Variants in ADAMTSL3 observed in about 807,000 individuals in gnomAD.
ADAMTSL3 encodes the protein ADAMTS like 3, also known as ADAMTS-like protein 3.
ADAMTSL3 carries 128 observed loss-of-function variants against 201.7 expected under a neutral mutation model. That is an observed-to-expected ratio of 0.63 (90% confidence interval 0.55 to 0.73). The LOEUF (loss-of-function observed/expected upper bound fraction) is 0.73. Ranked by LOEUF, ADAMTSL3 falls within the 30% of genes least tolerant of loss-of-function variation. ADAMTSL3 has a pLI of 0.00. For missense variants in ADAMTSL3, 1,990 were observed against 2,119.6 expected (o/e 0.94, Z 1.20); for synonymous variants, 738 against 748.4 (o/e 0.99, Z 0.23).
chr15:83,829,231 A>G (rs2064096628), intron 6 of ADAMTSL3, among the ~76,000 whole-genome samples: 1 of 152,278 alleles, frequency 6.6e-6, no homozygotes, highest in African/African-American at 2.4e-5. Context: ...TCAGAGATTC[A>G]ACTTCTTCCT....
At chr15:83,975,386 T>C (rs1170424938) in intron 20 of ADAMTSL3, among the ~76,000 whole-genome samples, 1 of 152,112 alleles carries the variant, frequency 6.6e-6, no homozygotes, top group African/African-American at 2.4e-5. Context: ...TAACTCCTCC[T>C]CTAGCTTTGC....
chr15:83,751,576 C>A (rs1269844976), intron 3 of ADAMTSL3, among the ~76,000 whole-genome samples: 1 of 152,008 alleles, frequency 6.6e-6, no homozygotes, highest in Admixed American at 6.6e-5. Context: ...GTGTTTGTGT[C>A]CTTTCCAAGA....
Position 83,899,728 on chromosome 15 carries a change from C to G in ADAMTSL3, c.1697C>G (p.Pro566Arg), listed in dbSNP as rs2065686916. 1 of 1,610,310 alleles carries G rather than the reference C, an allele frequency of 6.2e-7. No homozygotes were observed. Among genetic ancestry groups the G allele is most frequent in the African/African-American group, 1.3e-5 (1 of 74,622 alleles). The stretch of plus-strand genomic sequence containing the variant: ...GAGACCAGAATAGCAACAGAAGAAC[C>G]AACGTGAGTCCAGGACCTTTTGTAG... ...LEETRIATEEPTFIPEPWSAC... is the reference protein window; with the variant it reads ...LEETRIATEERTFIPEPWSAC... Residue 566 changes from proline to arginine, a missense_variant, in exon 15 of 30, where the codon CCA (proline) becomes CGA (arginine). By Grantham distance (103) the Pro-to-Arg change is moderately radical. Transcript: ENST00000286744.
intron 2 of ADAMTSL3, among the ~76,000 whole-genome samples, chr15:83,672,915 C>T (rs1227549815): frequency 1.3e-5 from 2 of 152,200 alleles, no homozygotes; most frequent in Non-Finnish European, 2.9e-5. Context: ...TTGAGCTGAC[C>T]TTGGAGCTCT....
chr15:83,745,708 G>A (rs953414088), intron 3 of ADAMTSL3, among the ~76,000 whole-genome samples: 4 of 152,086 alleles, frequency 2.6e-5, no homozygotes, highest in Non-Finnish European at 4.4e-5. Flanking sequence ...TCGAGAAGGG[G>A]GTCAAGGAAA....
chr15:83,800,954 T>C (rs2141851438), intron 4 of ADAMTSL3, among the ~76,000 whole-genome samples: 1 of 152,306 alleles, frequency 6.6e-6, no homozygotes, highest in African/African-American at 2.4e-5. Context: ...TGAATGACCT[T>C]TTCAATAGGC....
At chr15:83,938,832 C>T (rs762290358) in intron 17 of ADAMTSL3, among the ~76,000 whole-genome samples, 5 of 152,162 alleles carry the variant, frequency 3.3e-5, no homozygotes, top group African/African-American at 4.8e-5. Context: ...GGGGGAATGT[C>T]TTACCCTTAT....
At chr15:83,664,336 T>C (rs1462296575) in intron 2 of ADAMTSL3, among the ~76,000 whole-genome samples, 1 of 152,034 alleles carries the variant, frequency 6.6e-6, no homozygotes, top group Non-Finnish European at 1.5e-5. Flanking sequence ...CAGAGGGGCT[T>C]CTGTTTGCCT....
chr15:83,984,338 C>T (rs1156326663), intron 21 of ADAMTSL3, among the ~76,000 whole-genome samples: 2 of 152,068 alleles, frequency 1.3e-5, no homozygotes, highest in South Asian at 2.1e-4. Flanking sequence ...CATTGAGCCT[C>T]GTATGTGAAA....
chr15:83,731,059 C>G (rs919671814), intron 3 of ADAMTSL3, among the ~76,000 whole-genome samples: 2 of 151,884 alleles, frequency 1.3e-5, no homozygotes. Context: ...ATTCTTGGCC[C>G]CTTGTTGAAA....
At chr15:83,755,721 C>CAGCAGTGGTACAAAGTTATAA (rs2062708619) in intron 3 of ADAMTSL3, among the ~76,000 whole-genome samples, 1 of 151,856 alleles carries the variant, frequency 6.6e-6, no homozygotes, top group Non-Finnish European at 1.5e-5. Flanking sequence ...GCTGTTATAA[C>CAGCAGTGGTACAAAGTTATAA]AGAGTGGTAC....
intron 19 of ADAMTSL3, among the ~76,000 whole-genome samples, chr15:83,943,416 C>T (rs1379830964): frequency 6.6e-6 from 1 of 152,200 alleles, no homozygotes; most frequent in Admixed American, 6.5e-5. Flanking sequence ...CTTGTGTCCT[C>T]CCATGTGGAA....
chr15:83,798,847 C>G (rs1325486289), intron 4 of ADAMTSL3, among the ~76,000 whole-genome samples: 1 of 150,172 alleles, frequency 6.7e-6, no homozygotes, highest in Admixed American at 6.6e-5. Context: ...ACAATAACAC[C>G]ACTTTTTGGC....
intron 25 of ADAMTSL3, among the ~76,000 whole-genome samples, chr15:84,017,245 G>A (rs2068102982): frequency 6.6e-6 from 1 of 152,070 alleles, no homozygotes; most frequent in Non-Finnish European, 1.5e-5. Context: ...AGCCTCCCAA[G>A]TAGCTGGGAC....
At chr15:83,865,812 C>T (rs1027176219) in intron 8 of ADAMTSL3, among the ~76,000 whole-genome samples, 1 of 152,164 alleles carries the variant, frequency 6.6e-6, no homozygotes, top group Non-Finnish European at 1.5e-5. Flanking sequence ...CAACTACCAT[C>T]AGAGTGAACA....
chr15:83,819,916 C>A lies in ADAMTSL3; in HGVS notation c.469C>A (p.Pro157Thr), dbSNP rs753195851. The A allele has an allele frequency of 1.1e-5, 18 of 1,614,094 alleles. No individual in the cohort carries two copies. In the Admixed American group the frequency reaches 2.5e-4, roughly 22 times the overall value. ...YYEWLPRYND[P>T]AAPCALKCHA... ...TGAATGGCTTCCACGATATAATGAT[C>A]CTGCTGCCCCGTGTGCACTCAAGTG... is the stretch of plus-strand genomic sequence containing the variant. Residue 157 changes from proline (P) to threonine (T), a missense_variant, in exon 6 of 30, where the codon CCT (proline) becomes ACT (threonine). Coordinates refer to ENST00000286744, the MANE Select transcript of ADAMTSL3 (RefSeq NM_207517.3).
chr15:83,803,478 C>T (rs192692944), intron 4 of ADAMTSL3, among the ~76,000 whole-genome samples: 12 of 152,054 alleles, frequency 7.9e-5, no homozygotes, highest in African/African-American at 2.9e-4. Context: ...TTATTTAAGC[C>T]TGTGTTTAGC....
Position 83,837,734 on chromosome 15 carries a change from T to G in ADAMTSL3, c.601-355T>G, listed in dbSNP as rs977579346. On this transcript the variant is annotated intron_variant, in intron 6 of 29. Transcript: ENST00000286744. ...GGAGGATCACTTGAGCCCAGGAGGT[T>G]GAGGCTGCAGTGAGCCACAATCCCA... is the stretch of plus-strand genomic sequence containing the variant. 4.0e-5 allele frequency among the ~76,000 whole-genome samples: 6 copies of G among 151,164 alleles called. No individual in the cohort carries two copies. In the East Asian group the frequency reaches 8.0e-4, roughly 20 times the overall value.
At chr15:84,030,016 A>G (rs1190368264) in intron 27 of ADAMTSL3, among the ~76,000 whole-genome samples, 1 of 152,268 alleles carries the variant, frequency 6.6e-6, no homozygotes, top group African/African-American at 2.4e-5. Flanking sequence ...TAGATTTCAG[A>G]GGAATGTATG....
Sources: allele counts gnomAD v4.1 joint callset (sites outside exome capture counted in the v4.1 genomes callset), GRCh38; gene constraint gnomAD v4.1.1; transcripts MANE v1.5; gene names NCBI Gene and HGNC (gene_info 2026-07-23, HGNC 2026-07-21).